DGKD: variants seen among roughly 807,000 people sequenced by gnomAD.
DGKD encodes the protein DAG kinase delta.
DGKD carries 68 observed loss-of-function variants against 154.4 expected under a neutral mutation model. That is an observed-to-expected ratio of 0.44 (90% CI 0.36 to 0.54). The LOEUF (loss-of-function observed/expected upper bound fraction) is 0.54, where lower values mean the gene tolerates loss of function less well. DGKD is among the 20% of genes least tolerant of loss of function. The probability of loss-of-function intolerance (pLI) is 0.00; values close to 1 mark genes in which losing one functional copy is unlikely to be tolerated. For missense variants in DGKD, 1,343 were observed against 1,593.6 expected, an observed-to-expected ratio of 0.84 and a Z score of 2.68; for synonymous variants, 693 against 638.0, an observed-to-expected ratio of 1.09 and a Z score of -1.30.
chr2:233,467,046 T>C, intron 27 of DGKD, 40 bp from the exon 28 acceptor site: 1 of 1,512,596 alleles, frequency 6.6e-7, no homozygotes, highest in South Asian at 1.1e-5. Flanking sequence ...CCGTGATCAG[T>C]TGCAGCCTGA....
At chr2:233,397,811 G>A (rs933449826) in intron 3 of DGKD, among the ~76,000 whole-genome samples, 2 of 151,952 alleles carry the variant, frequency 1.3e-5, no homozygotes, top group Non-Finnish European at 2.9e-5. Context: ...TGTCTAGGGG[G>A]CAGTGGGCAG....
rs1169606139 is a variant in DGKD at position 233,459,553 on chromosome 2, A to C, written c.2695-204A>C. ...AGGGGATGGGGCGGGATGGGGCGGGACAGTGGGAGAACAGACCCTCGGTTG... is the reference window on the plus strand; with the variant it reads ...AGGGGATGGGGCGGGATGGGGCGGGCCAGTGGGAGAACAGACCCTCGGTTG... On this transcript the variant is annotated intron_variant, in intron 22 of 29. Transcript: ENST00000264057. The surrounding 1 kb of genome is among the most constrained non-coding windows in gnomAD (Gnocchi z 5.7). Among the ~76,000 whole-genome samples, 3 of 151,956 alleles carry C rather than the reference A, an allele frequency of 2.0e-5. No individual in the cohort carries two copies. Among genetic ancestry groups the C allele is most frequent in the Admixed American group, 6.6e-5 (1 of 15,260 alleles).
In DGKD at chr2:233,371,921, T is replaced by C. The variant is rs565086211; in HGVS notation, c.157-16336T>C. On this transcript the variant is annotated intron_variant, in intron 1 of 29. Transcript: ENST00000264057. ...ATAAAGTGATTCTTAATAGAATCATTCTTATGTATGGTTATGAGACATTTA... is the reference window on the plus strand; with the variant it reads ...ATAAAGTGATTCTTAATAGAATCATCCTTATGTATGGTTATGAGACATTTA... Among the ~76,000 whole-genome samples the C allele has an allele frequency of 1.7e-4, 26 of 152,376 alleles. No homozygotes were observed. The East Asian group carries it at 4.0e-3, about 24-fold the overall frequency.
rs371361990 is a variant in DGKD, at chr2:233,445,781, C to T, written c.1334+19C>T. ...TGGACAGGTGAGTGGGGATGTGCTC[C>T]GGTGCCGTATGAGGAGACTTTGAGA... On this transcript the variant is annotated intron_variant, in intron 11 of 29. Coordinates refer to ENST00000264057, the MANE Select transcript of DGKD (RefSeq NM_152879.3). The surrounding 1 kb of genome is among the most constrained non-coding windows in gnomAD (Gnocchi z 5.5). 48 of 1,597,288 alleles carry T rather than the reference C, an allele frequency of 3.0e-5. No individual in the cohort carries two copies. The highest frequency in any genetic ancestry group is 3.5e-5 in the Non-Finnish European group (41 of 1,170,606).
At chr2:233,419,331 C>G in intron 3 of DGKD, 1 of 985,490 alleles carries the variant, frequency 1.0e-6, no homozygotes, top group South Asian at 4.7e-5. Flanking sequence ...TGCCCATTGA[C>G]TTTAACACCC....
At chr2:233,368,312 C>G (rs938289759) in intron 1 of DGKD, among the ~76,000 whole-genome samples, 5 of 152,034 alleles carry the variant, frequency 3.3e-5, no homozygotes. Flanking sequence ...GAGTTCGAGA[C>G]CAGCCTGGCC....
chr2:233,372,114 C>T (rs1044229072), intron 1 of DGKD, among the ~76,000 whole-genome samples: 2 of 152,172 alleles, frequency 1.3e-5, no homozygotes, highest in Non-Finnish European at 2.9e-5. Context: ...CTCTACCTCC[C>T]GAGCTCAAGT....
Position 233,461,490 on chromosome 2 carries a change from G to A in DGKD, c.2982-858G>A, listed in dbSNP as rs780706179. On this transcript the variant is annotated intron_variant, in intron 24 of 29. Transcript: ENST00000264057. Reference sequence around the variant, plus strand: ...CATACCGGCTGCAGTCCTTCCTGGCGCTGCATTCTCTGCCCCAGGAGTTGG... The same window carrying A: ...CATACCGGCTGCAGTCCTTCCTGGCACTGCATTCTCTGCCCCAGGAGTTGG... 3.9e-5 allele frequency among the ~76,000 whole-genome samples: 6 copies of A among 152,352 alleles called. No individual in the cohort carries two copies. The East Asian group carries it at 5.8e-4, about 15-fold the overall frequency.
At position 233,457,204 on chromosome 2, in the gene DGKD, G is replaced by T. The variant is rs769236253; in HGVS notation, c.2473-17G>T. The T allele has an allele frequency of 6.7e-7, 1 of 1,501,926 alleles. No individual in the cohort carries two copies. The highest frequency in any genetic ancestry group is 1.4e-5 in the African/African-American group (1 of 71,314). The allele number at this position is 1,501,926 out of a possible 1,614,324, so 93.0% of individuals were successfully genotyped here. A position where few individuals can be genotyped will look rare whatever the true frequency, so the allele number is the denominator to read the frequency against. Reference sequence around the variant, plus strand: ...ATACCTTTCTCTTTTCTTTTGTTCTGTGTCTCTGCTGCTCAGTGTGACGGG... The same window carrying T: ...ATACCTTTCTCTTTTCTTTTGTTCTTTGTCTCTGCTGCTCAGTGTGACGGG... On this transcript the variant is annotated splice_polypyrimidine_tract_variant and intron_variant, in intron 20 of 29. Transcript: ENST00000264057. This position sits in a 1 kb window ranked among gnomAD's most constrained non-coding sequence, Gnocchi z 5.5.
At chr2:233,443,926 C>T (rs1162310409) in intron 10 of DGKD, among the ~76,000 whole-genome samples, 3 of 152,286 alleles carry the variant, frequency 2.0e-5, no homozygotes, top group East Asian at 1.9e-4. Flanking sequence ...CCTGCCGCCT[C>T]GGGGTTTCTT....
At chr2:233,377,889 C>T (rs950889707) in intron 1 of DGKD, among the ~76,000 whole-genome samples, 42 of 152,134 alleles carry the variant, frequency 2.8e-4, no homozygotes, top group Admixed American at 1.6e-3. Context: ...CAGCTCACCG[C>T]AGCAGCCTCG....
chr2:233,461,412 C>A (rs1285562621), intron 24 of DGKD, among the ~76,000 whole-genome samples: 1 of 152,248 alleles, frequency 6.6e-6, no homozygotes, highest in Non-Finnish European at 1.5e-5. Flanking sequence ...CGGCTCTTGT[C>A]GAGCAGGTGG....
chr2:233,425,666 A>G (rs1378900183), intron 3 of DGKD, among the ~76,000 whole-genome samples: 3 of 152,188 alleles, frequency 2.0e-5, no homozygotes, highest in Non-Finnish European at 4.4e-5. Context: ...GCTTTTATCT[A>G]TTAACAGTGT....
intron 3 of DGKD, among the ~76,000 whole-genome samples, chr2:233,393,344 T>G (rs1703765758): frequency 6.7e-6 from 1 of 149,414 alleles, no homozygotes; most frequent in Non-Finnish European, 1.5e-5. Context: ...CTTTTTTTTT[T>G]TTTTTTTTTT....
chr2:233,408,144 G>A (rs761138579), intron 3 of DGKD, among the ~76,000 whole-genome samples: 6 of 149,396 alleles, frequency 4.0e-5, no homozygotes, highest in Admixed American at 3.4e-4. Flanking sequence ...CCGGGTTCAC[G>A]CAGTTCTCCT....
Position 233,354,752 on chromosome 2 carries a change from G to A in DGKD, c.156+78G>A. On this transcript the variant is annotated intron_variant, in intron 1 of 29. Transcript: ENST00000264057. This position sits in a 1 kb window ranked among gnomAD's most constrained non-coding sequence, Gnocchi z 4.8. ...CCGGCCGAGGCCCGTGGCCCTGCCC[G>A]AGCGGCCGCCCAGGCCCGGCTCGGC... The A allele has an allele frequency of 1.1e-6, 1 of 889,386 alleles. No individual in the cohort carries two copies. Among genetic ancestry groups the A allele is most frequent in the Non-Finnish European group, 1.3e-6 (1 of 745,828 alleles). The allele number at this position is 889,386 out of a possible 1,614,324, so 55.1% of individuals were successfully genotyped here.
In DGKD at chr2:233,442,227, G is replaced by A; in HGVS notation, c.1194+232G>A. On this transcript the variant is annotated intron_variant, in intron 10 of 29. Transcript: ENST00000264057. Reference sequence around the variant, plus strand: ...TGGCCATGATGTATGAGGGGGACCTGAAGGGAGCTACGAAAAGAATTGCCC... The same window carrying A: ...TGGCCATGATGTATGAGGGGGACCTAAAGGGAGCTACGAAAAGAATTGCCC... The A allele has an allele frequency of 4.6e-6, 3 of 650,478 alleles. 1 individual carries two copies. The highest frequency in any genetic ancestry group is 8.6e-6 in the Non-Finnish European group (3 of 349,258). 40.3% of individuals were successfully genotyped at this position (650,478 alleles called of 1,614,324 possible).
Position 233,454,752 on chromosome 2 carries a change from C to T in DGKD, c.2265-11C>T, listed in dbSNP as rs1194457613. ...GGGCTGTTGTAATTGATTTAAAACT[C>T]ACCTTTGCAGAGAGTATTACACGGA... is the stretch of plus-strand genomic sequence containing the variant. On this transcript the variant is annotated splice_polypyrimidine_tract_variant and intron_variant, in intron 18 of 29. Coordinates refer to ENST00000264057, the MANE Select transcript of DGKD (RefSeq NM_152879.3). The T allele has an allele frequency of 6.4e-7, 1 of 1,552,990 alleles. No individual in the cohort carries two copies. Among genetic ancestry groups the T allele is most frequent in the Admixed American group, 1.7e-5 (1 of 59,570 alleles).
intron 3 of DGKD, among the ~76,000 whole-genome samples, chr2:233,403,857 G>C (rs1337504122): frequency 1.3e-5 from 2 of 152,184 alleles, no homozygotes; most frequent in Non-Finnish European, 2.9e-5. Flanking sequence ...GGCCAGGCCG[G>C]TCTCGAACTC....
Sources: gnomAD v4.1 joint callset for allele counts (sites outside exome capture counted in the v4.1 genomes callset) on GRCh38, gnomAD v4.1.1 for gene constraint, Gnocchi (gnomAD v3.1) non-coding constraint, MANE v1.5 for transcripts, NCBI Gene and HGNC (gene_info 2026-07-23, HGNC 2026-07-21) for gene names.